VPS13A: variants seen among roughly 807,000 people sequenced by gnomAD.
VPS13A encodes the protein intermembrane lipid transfer protein VPS13A.
VPS13A carries 264 observed loss-of-function variants against 390.9 expected under a neutral mutation model. The ratio of observed to expected loss-of-function variants is 0.68; its 90% confidence interval spans 0.61 to 0.75. The LOEUF is 0.75. Ranked by LOEUF, VPS13A falls within the 30% of genes least tolerant of loss-of-function variation. The pLI is 0.00. For missense variants in VPS13A, 3,409 were observed against 3,733.9 expected (o/e 0.91, Z 2.27); for synonymous variants, 1,231 against 1,227.1 (o/e 1.00, Z -0.07).
intron 23 of VPS13A, among the ~76,000 whole-genome samples, chr9:77,264,234 C>G (rs1010257461): frequency 2.0e-5 from 3 of 152,268 alleles, no homozygotes; most frequent in Middle Eastern, 6.8e-3. Flanking sequence ...AGCGTGATGC[C>G]TCCAGCTTTG....
At chr9:77,281,653 A>G (rs564477966) in intron 27 of VPS13A, among the ~76,000 whole-genome samples, 105 of 152,102 alleles carry the variant, frequency 6.9e-4, no homozygotes, top group African/African-American at 2.4e-3. Flanking sequence ...AATACTTGCT[A>G]TGTGCCAGAG....
At chr9:77,256,825 G>A (rs995540133) in intron 22 of VPS13A, among the ~76,000 whole-genome samples, 10 of 150,862 alleles carry the variant, frequency 6.6e-5, no homozygotes, top group African/African-American at 2.2e-4. Context: ...CTCTCTTTTG[G>A]TGATTATTTG....
At chr9:77,205,909 G>A in intron 4 of VPS13A, 69 bp from the exon 5 acceptor site, 1 of 1,228,278 alleles carries the variant, frequency 8.1e-7, no homozygotes, top group East Asian at 2.6e-5. Context: ...TTATTTGTAA[G>A]GATTTTTTTG....
intron 41 of VPS13A, 148 bp downstream of exon 41, chr9:77,318,739 A>T (rs941472060): frequency 2.4e-6 from 2 of 841,446 alleles, no homozygotes; most frequent in Non-Finnish European, 3.7e-6. Context: ...TTTAGAAAAA[A>T]GTTTTCAAAT....
intron 68 of VPS13A, chr9:77,390,219 T>C (rs998774228): frequency 4.2e-5 from 28 of 663,046 alleles, no homozygotes; most frequent in Non-Finnish European, 5.2e-5. Flanking sequence ...TCCAGAAGGA[T>C]ACTTCTGAAT....
At chr9:77,326,566 G>A (rs1036407726) in intron 45 of VPS13A, among the ~76,000 whole-genome samples, 1 of 151,674 alleles carries the variant, frequency 6.6e-6, no homozygotes, top group Non-Finnish European at 1.5e-5. Flanking sequence ...TAGTAGTCTG[G>A]ATTTTTTTGT....
At chr9:77,202,795 T>C (rs1825407278) in intron 3 of VPS13A, among the ~76,000 whole-genome samples, 1 of 152,178 alleles carries the variant, frequency 6.6e-6, no homozygotes, top group African/African-American at 2.4e-5. Flanking sequence ...TAATATAAGA[T>C]AGTAGAAAGT....
chr9:77,266,472 A>T (rs113682382), intron 23 of VPS13A, among the ~76,000 whole-genome samples: 1 of 151,888 alleles, frequency 6.6e-6, no homozygotes, highest in Non-Finnish European at 1.5e-5. Flanking sequence ...ATTCTTTAAG[A>T]ATGTTGAATA....
chr9:77,410,698 G>A (rs1160197095), intron 71 of VPS13A, among the ~76,000 whole-genome samples: 1 of 151,614 alleles, frequency 6.6e-6, no homozygotes, highest in African/African-American at 2.4e-5. Flanking sequence ...AGACAAAGAA[G>A]GCCATTACAT....
intron 58 of VPS13A, among the ~76,000 whole-genome samples, chr9:77,360,227 A>C (rs889675615): frequency 6.6e-6 from 1 of 152,130 alleles, no homozygotes; most frequent in Non-Finnish European, 1.5e-5. Flanking sequence ...TGTTCATTCA[A>C]CATTTTTATT....
At chr9:77,320,807 A>G (rs1400859051) in intron 42 of VPS13A, among the ~76,000 whole-genome samples, 1 of 152,022 alleles carries the variant, frequency 6.6e-6, no homozygotes, top group Non-Finnish European at 1.5e-5. Flanking sequence ...TCTGTTCTTT[A>G]TTATTAGCAT....
At chr9:77,389,043 A>C (rs1833801817) in intron 68 of VPS13A, among the ~76,000 whole-genome samples, 1 of 152,198 alleles carries the variant, frequency 6.6e-6, no homozygotes, top group African/African-American at 2.4e-5. Flanking sequence ...TCTACATTGA[A>C]GTATGCTCAT....
At chr9:77,217,358 A>G (rs1482496496) in intron 10 of VPS13A, among the ~76,000 whole-genome samples, 4 of 152,118 alleles carry the variant, frequency 2.6e-5, no homozygotes, top group East Asian at 3.8e-4. Flanking sequence ...CAATCCTTAC[A>G]TGGATATATT....
chr9:77,203,070 T>C (rs953838830), intron 3 of VPS13A, among the ~76,000 whole-genome samples: 1 of 152,190 alleles, frequency 6.6e-6, no homozygotes, highest in Admixed American at 6.5e-5. Flanking sequence ...TTTATAGGAA[T>C]GTATGTCCCC....
At position 77,315,357 on chromosome 9, in the gene VPS13A, A is replaced by C. The variant is rs749572299; in HGVS notation, c.4517A>C (p.Tyr1506Ser). ...CVTDAVFQEMYICASVEFLQT... is the reference protein window; with the variant it reads ...CVTDAVFQEMSICASVEFLQT... ...ACTGATGCGGTCTTTCAAGAAATGTATATTTGTGCAAGCGTAGAATTTCTG... is the reference window on the plus strand; with the variant it reads ...ACTGATGCGGTCTTTCAAGAAATGTCTATTTGTGCAAGCGTAGAATTTCTG... The change falls in exon 38 of 72, where the codon TAT becomes TCT. Residue 1506 changes from tyrosine to serine, a missense_variant. Tyr to Ser is a moderately radical substitution (Grantham distance 144, BLOSUM62 -2). Coordinates refer to ENST00000360280, the MANE Select transcript of VPS13A (RefSeq NM_033305.3). 1.2e-6 allele frequency: 2 copies of C among 1,614,016 alleles called. No individual in the cohort carries two copies. Among genetic ancestry groups the C allele is most frequent in the South Asian group, 1.1e-5 (1 of 91,084 alleles).
At chr9:77,384,385 T>A (rs1833592573) in intron 68 of VPS13A, among the ~76,000 whole-genome samples, 1 of 151,904 alleles carries the variant, frequency 6.6e-6, no homozygotes, top group South Asian at 2.1e-4. Context: ...TACATTGAGT[T>A]TGTACCAACT....
At chr9:77,303,232 CT>C (rs1406354054) in intron 34 of VPS13A, among the ~76,000 whole-genome samples, 170 bp downstream of exon 34, 16 of 152,072 alleles carry the variant, frequency 1.1e-4, no homozygotes, top group African/African-American at 3.6e-4. Flanking sequence ...TTGATTTATT[CT>C]TTTAACAAAT....
At chr9:77,184,166 CAA>C (rs1174757561) in intron 1 of VPS13A, among the ~76,000 whole-genome samples, 1 of 152,178 alleles carries the variant, frequency 6.6e-6, no homozygotes, top group East Asian at 1.9e-4. Context: ...CAAACCCAGT[CAA>C]GATATAGAAC....
chr9:77,279,485 G>A (rs554739677), intron 26 of VPS13A, among the ~76,000 whole-genome samples: 22 of 152,086 alleles, frequency 1.4e-4, no homozygotes, highest in Non-Finnish European at 3.1e-4. Flanking sequence ...CTAAGGCCTT[G>A]GGCTTATATG....
Sources: allele counts gnomAD v4.1 joint callset (sites outside exome capture counted in the v4.1 genomes callset), GRCh38; gene constraint gnomAD v4.1.1; transcripts MANE v1.5; gene names NCBI Gene and HGNC (gene_info 2026-07-23, HGNC 2026-07-21).